The following SYN2 variants were observed in gnomAD, a reference collection of about 807,000 sequenced individuals.
SYN2 encodes the protein synapsin II.
Under a neutral mutation model 50.9 loss-of-function variants are expected in SYN2, and 19 were observed. The ratio of observed to expected loss-of-function variants is 0.37; its 90% confidence interval spans 0.26 to 0.55. SYN2 has a LOEUF of 0.55. Among genes scored for constraint, SYN2 ranks in the 20% least tolerant of loss-of-function variants. SYN2 has a pLI of 0.81. For missense variants in SYN2, 587 were observed against 576.4 expected (o/e 1.02, Z -0.19); for synonymous variants, 255 against 224.9 (o/e 1.13, Z -1.20).
intron 1 of SYN2, among the ~76,000 whole-genome samples, chr3:12,135,350 C>T (rs934982799): frequency 3.9e-5 from 6 of 152,170 alleles, no homozygotes; most frequent in South Asian, 2.1e-4. Context: ...TTGAAGCCTT[C>T]AGATGTTTGG....
intron 1 of SYN2, among the ~76,000 whole-genome samples, chr3:12,097,073 A>G (rs932849576): frequency 6.6e-6 from 1 of 152,190 alleles, no homozygotes; most frequent in Non-Finnish European, 1.5e-5. Context: ...TGTTGGTGGG[A>G]CTGTAAACTA....
chr3:12,139,976 A>C (rs1325580125), intron 1 of SYN2, among the ~76,000 whole-genome samples: 2 of 152,220 alleles, frequency 1.3e-5, no homozygotes, highest in Non-Finnish European at 2.9e-5. Context: ...TCTGTGACAA[A>C]CTGGGAAGAT....
intron 1 of SYN2, among the ~76,000 whole-genome samples, chr3:12,069,957 C>G (rs957514824): frequency 2.6e-5 from 4 of 152,036 alleles, no homozygotes; most frequent in Non-Finnish European, 4.4e-5. Flanking sequence ...CAGGCACACA[C>G]CACCACGCCT....
intron 1 of SYN2, among the ~76,000 whole-genome samples, chr3:12,059,087 G>A (rs915654928): frequency 5.3e-5 from 8 of 152,176 alleles, no homozygotes; most frequent in Non-Finnish European, 8.8e-5. Flanking sequence ...GGCACAGTAA[G>A]ACCAGATATC....
intron 1 of SYN2, among the ~76,000 whole-genome samples, chr3:12,102,470 G>T (rs185648482): frequency 1.1e-4 from 16 of 152,180 alleles, no homozygotes; most frequent in Non-Finnish European, 2.1e-4. Context: ...GGATTATTAT[G>T]ATCCGATTTT....
intron 1 of SYN2, among the ~76,000 whole-genome samples, chr3:12,047,655 A>G (rs1431984619): frequency 6.6e-6 from 1 of 152,148 alleles, no homozygotes; most frequent in African/African-American, 2.4e-5. Flanking sequence ...TTATTGAAAT[A>G]CTAGATCATG....
chr3:12,005,226 T>C (rs972563698), intron 1 of SYN2, among the ~76,000 whole-genome samples: 1 of 152,112 alleles, frequency 6.6e-6, no homozygotes, highest in South Asian at 2.1e-4. Context: ...AGGAAATAGT[T>C]TTTTTGGGGG....
rs545617700 is a variant in SYN2, at chr3:12,104,696, C to CA, written c.378-35953dup. ...GAGTGATTCTCCTGCCTCAGCCTCT[C>CA]AAGTAGCTGGAATTACAGGCACCTG... is the stretch of plus-strand genomic sequence containing the variant. On this transcript the variant is annotated intron_variant, in intron 1 of 12. Coordinates refer to ENST00000621198, the MANE Select transcript of SYN2 (RefSeq NM_133625.6). Among the ~76,000 whole-genome samples, 8 of 148,196 alleles carry CA rather than the reference C, an allele frequency of 5.4e-5. No homozygotes were observed. In the South Asian group the frequency reaches 1.7e-3, roughly 32 times the overall value.
intron 1 of SYN2, among the ~76,000 whole-genome samples, chr3:12,089,749 C>G (rs1695785018): frequency 6.6e-6 from 1 of 152,048 alleles, no homozygotes; most frequent in African/African-American, 2.4e-5. Flanking sequence ...AAGGCATTGT[C>G]TAGGGGGAGT....
chr3:12,143,238 C>T (rs1053114791), intron 3 of SYN2, among the ~76,000 whole-genome samples: 1 of 152,128 alleles, frequency 6.6e-6, no homozygotes, highest in Non-Finnish European at 1.5e-5. Context: ...CTTCCCAGAA[C>T]TGGGACACAA....
chr3:12,063,083 G>A (rs999820938), intron 1 of SYN2, among the ~76,000 whole-genome samples: 5 of 151,848 alleles, frequency 3.3e-5, no homozygotes, highest in Admixed American at 2.0e-4. Flanking sequence ...AAGGATGGGA[G>A]GGGAGGACTT....
Position 12,004,418 on chromosome 3 carries a change from G to T in SYN2, c.-134G>T. ...GCCGCTGCTGTCTGCGGGGTCTGGT[G>T]CCGGGGCCTGAGTCTCTGCTGGCTA... On this transcript the variant is annotated 5_prime_UTR_variant, in exon 1 of 13. Transcript: ENST00000621198. The T allele has an allele frequency of 4.5e-6, 1 of 224,594 alleles. No homozygotes were observed. Among genetic ancestry groups the T allele is most frequent in the South Asian group, 7.9e-5 (1 of 12,592 alleles). 13.9% of individuals were successfully genotyped at this position (224,594 alleles called of 1,614,324 possible). A position where few individuals can be genotyped will look rare whatever the true frequency, so the allele number is the denominator to read the frequency against.
chr3:12,067,101 G>C (rs1370210159), intron 1 of SYN2, among the ~76,000 whole-genome samples: 1 of 152,094 alleles, frequency 6.6e-6, no homozygotes, highest in African/African-American at 2.4e-5. Flanking sequence ...TCCCTCCCAC[G>C]ACATGTGGGG....
chr3:12,168,344 C>T (rs760530276), intron 8 of SYN2, 32 bp from the exon 9 acceptor site: 18 of 1,590,926 alleles, frequency 1.1e-5, no homozygotes, highest in South Asian at 4.5e-5. Context: ...GCGAATTGCC[C>T]CAGCTTCAGG....
chr3:12,170,697 C>G (rs1228169204), intron 10 of SYN2, among the ~76,000 whole-genome samples: 1 of 152,230 alleles, frequency 6.6e-6, no homozygotes, highest in Non-Finnish European at 1.5e-5. Context: ...CTAGCTCTTC[C>G]TCTAAATAGC....
chr3:12,141,784 G>C, intron 2 of SYN2, 121 bp from the exon 3 acceptor site: 1 of 664,996 alleles, frequency 1.5e-6, no homozygotes, highest in Non-Finnish European at 2.8e-6. Flanking sequence ...GACTAACTCA[G>C]TATGTGAACA....
At chr3:12,132,737 A>T (rs1696821370) in intron 1 of SYN2, among the ~76,000 whole-genome samples, 3 of 152,194 alleles carry the variant, frequency 2.0e-5, no homozygotes, top group Non-Finnish European at 4.4e-5. Flanking sequence ...CTTGTACAAG[A>T]TGGGGTTAGG....
chr3:12,006,341 A>G (rs1693800485), intron 1 of SYN2, among the ~76,000 whole-genome samples: 1 of 152,210 alleles, frequency 6.6e-6, no homozygotes, highest in Non-Finnish European at 1.5e-5. Context: ...GGCACATGGA[A>G]GAGGGTAATG....
chr3:12,187,630 A>G lies in SYN2; in HGVS notation c.1613+18A>G, dbSNP rs1331558976. 6.5e-7 allele frequency: 1 copy of G among 1,527,984 alleles called. No individual in the cohort carries two copies. The highest frequency in any genetic ancestry group is 2.5e-5 in the East Asian group (1 of 40,464). 94.7% of individuals were successfully genotyped at this position (1,527,984 alleles called of 1,614,324 possible). A position where few individuals can be genotyped will look rare whatever the true frequency, so the allele number is the denominator to read the frequency against. ...CAGCTCAAGTAAGAGACAACTCAGC[A>G]GCTCCTCCCTCCCCTCCTCCTACCC... On this transcript the variant is annotated intron_variant, in intron 12 of 12. Transcript: ENST00000621198.
Sources: gnomAD v4.1 joint callset for allele counts (sites outside exome capture counted in the v4.1 genomes callset) on GRCh38, gnomAD v4.1.1 for gene constraint, MANE v1.5 for transcripts, NCBI Gene and HGNC (gene_info 2026-07-23, HGNC 2026-07-21) for gene names.